The following TFCP2L1 variants were observed in gnomAD, a reference collection of about 807,000 sequenced individuals.
TFCP2L1 encodes the protein transcription factor CP2-like protein 1.
In TFCP2L1, 12 loss-of-function variants were observed where a neutral mutation model predicts 72.2. The observed-to-expected ratio is 0.17, with a 90% confidence interval of 0.11 to 0.27. TFCP2L1 has a LOEUF of 0.27. Ranked by LOEUF, TFCP2L1 falls within the 10% of genes least tolerant of loss-of-function variation. The pLI, the probability that TFCP2L1 is intolerant of heterozygous loss-of-function variation, is 1.00. For synonymous variants in TFCP2L1, 260 were observed against 251.0 expected, an observed-to-expected ratio of 1.04 and a Z score of -0.34; for missense variants, 488 against 624.6, an observed-to-expected ratio of 0.78 and a Z score of 2.33.
chr2:121,257,453 C>G (rs1180611517), intron 2 of TFCP2L1, among the ~76,000 whole-genome samples: 1 of 152,234 alleles, frequency 6.6e-6, no homozygotes, highest in Non-Finnish European at 1.5e-5. Flanking sequence ...TTACCCCAAT[C>G]TTAACAGCTG....
At chr2:121,248,827 G>C (rs2104703944) in intron 4 of TFCP2L1, among the ~76,000 whole-genome samples, 155 bp downstream of exon 4, 1 of 152,344 alleles carries the variant, frequency 6.6e-6, no homozygotes, top group East Asian at 1.9e-4. Flanking sequence ...AGGACCCAGT[G>C]TATGGTCAGC....
chr2:121,283,609 CTG>C lies in TFCP2L1; in HGVS notation c.62+1437_62+1438del, dbSNP rs961629023. Among the ~76,000 whole-genome samples, 20 of 152,242 alleles carry C rather than the reference CTG, an allele frequency of 1.3e-4. 1 individual carries two copies. Among genetic ancestry groups the C allele is most frequent in the Admixed American group, 1.0e-3 (16 of 15,290 alleles). On this transcript the variant is annotated intron_variant, in intron 1 of 14. Transcript: ENST00000263707. ...TCCATCTCGGTAGCAGATGTCAGAA[CTG>C]TACCTCCCAGGCAAGGGAGAATTGT... is the stretch of plus-strand genomic sequence containing the variant.
chr2:121,228,604 T>TA (rs11446191), intron 13 of TFCP2L1, among the ~76,000 whole-genome samples: 51,447 of 146,082 alleles, frequency 0.35, 9,398 homozygotes, highest in South Asian at 0.48. Context: ...TACAAAAAAT[T>TA]AAAAAAAAAA....
chr2:121,242,573 A>T, intron 6 of TFCP2L1, 104 bp from the exon 7 acceptor site: 1 of 1,058,168 alleles, frequency 9.5e-7, no homozygotes, highest in Non-Finnish European at 1.5e-6. Flanking sequence ...GGGCGCAGGG[A>T]GGAACTCAGG....
At chr2:121,228,442 C>T (rs911068960) in intron 13 of TFCP2L1, among the ~76,000 whole-genome samples, 9 of 142,362 alleles carry the variant, frequency 6.3e-5, no homozygotes, top group Non-Finnish European at 1.1e-4. Flanking sequence ...TTTCCTCCTC[C>T]GTAAAATAGG....
At chr2:121,245,912 T>C (rs564842560) in intron 6 of TFCP2L1, among the ~76,000 whole-genome samples, 2 of 152,268 alleles carry the variant, frequency 1.3e-5, no homozygotes, top group African/African-American at 2.4e-5. Flanking sequence ...CTAAAGCAAC[T>C]CCCTCTTGGG....
rs184661136 is a variant in TFCP2L1 at position 121,219,612 on chromosome 2, C to G, written c.*4729G>C. On this transcript the variant is annotated 3_prime_UTR_variant, in exon 15 of 15. Transcript: ENST00000263707. Reference sequence around the variant, plus strand: ...GATGGGCACACGTAAAGGTCTCCTGCCTGTTGTGCAATTTTCAAAGATTTT... The same window carrying G: ...GATGGGCACACGTAAAGGTCTCCTGGCTGTTGTGCAATTTTCAAAGATTTT... The G allele has an allele frequency of 1.3e-5, 2 of 152,326 alleles. No homozygotes were observed. Among genetic ancestry groups the G allele is most frequent in the African/African-American group, 4.8e-5 (2 of 41,582 alleles). 9.4% of individuals were successfully genotyped at this position (152,326 alleles called of 1,614,324 possible).
At position 121,247,037 on chromosome 2, in the gene TFCP2L1, C is replaced by T. The variant is rs996607920; in HGVS notation, c.505-67G>A. 33 of 1,583,418 alleles carry T rather than the reference C, an allele frequency of 2.1e-5. No homozygotes were observed. The Admixed American group carries it at 3.0e-4, about 14-fold the overall frequency. On this transcript the variant is annotated intron_variant, in intron 5 of 14. Transcript: ENST00000263707. ...GCAGGGTGCCCCTGGATCCCCCAAGCGCCCCCTCTATTGGAGGTGTCCTTC... is the reference window on the plus strand; with the variant it reads ...GCAGGGTGCCCCTGGATCCCCCAAGTGCCCCCTCTATTGGAGGTGTCCTTC...
rs775694403 is a variant in TFCP2L1, at chr2:121,224,325, T to A, written c.*16A>T. 6.2e-7 allele frequency: 1 copy of A among 1,613,774 alleles called. No homozygotes were observed. The highest frequency in any genetic ancestry group is 8.5e-7 in the Non-Finnish European group (1 of 1,179,838). On this transcript the variant is annotated 3_prime_UTR_variant, in exon 15 of 15. Coordinates refer to ENST00000263707, the MANE Select transcript of TFCP2L1 (RefSeq NM_014553.3). ...CAGGGCTGGGAGCTGGAGACAGGTA[T>A]GAGGTCCACTGCTGCTCAGAGTCCA...
In TFCP2L1 at chr2:121,248,256, C is replaced by G. The variant is rs371106335; in HGVS notation, c.412G>C (p.Val138Leu). 3.5e-5 allele frequency: 56 copies of G among 1,613,734 alleles called. No homozygotes were observed. Among genetic ancestry groups the G allele is most frequent in the Non-Finnish European group, 4.6e-5 (54 of 1,179,924 alleles). Reference sequence around the variant, plus strand: ...CTGGCCCTGGGGTCCAAGATACCAACAGACAGTGGAATATCTGCATACACA... The same window carrying G: ...CTGGCCCTGGGGTCCAAGATACCAAGAGACAGTGGAATATCTGCATACACA... ...RILDIDIPLSVGILDPRASPT... is the reference protein window; with the variant it reads ...RILDIDIPLSLGILDPRASPT... Residue 138 changes from valine (V) to leucine (L), a missense_variant, in exon 5 of 15, where the codon GTT (valine) becomes CTT (leucine). Physicochemically the swap from Val to Leu is conservative, Grantham distance 32 (BLOSUM62 1). This residue lies in a region of TFCP2L1 where 129 missense variants were observed against 236.0 expected (regional missense o/e 0.55). Transcript: ENST00000263707.
intron 10 of TFCP2L1, among the ~76,000 whole-genome samples, chr2:121,237,114 AC>A (rs1686265166): frequency 6.6e-6 from 1 of 151,660 alleles, no homozygotes; most frequent in South Asian, 2.1e-4. Flanking sequence ...TGCTCAGTTC[AC>A]CTTTGCACTC....
intron 10 of TFCP2L1, among the ~76,000 whole-genome samples, chr2:121,236,468 T>C (rs1273773920): frequency 6.6e-6 from 1 of 151,868 alleles, no homozygotes; most frequent in African/African-American, 2.4e-5. Flanking sequence ...GCCCAAGGGG[T>C]CCCCGAGAGC....
At chr2:121,254,396 G>A (rs1157021214) in intron 2 of TFCP2L1, among the ~76,000 whole-genome samples, 1 of 152,198 alleles carries the variant, frequency 6.6e-6, no homozygotes, top group Admixed American at 6.5e-5. Context: ...GGCGGGGAGT[G>A]TGAGACAGGT....
chr2:121,237,155 A>ACG (rs1553432026), intron 10 of TFCP2L1, among the ~76,000 whole-genome samples: 12 of 151,862 alleles, frequency 7.9e-5, no homozygotes, highest in Non-Finnish European at 1.0e-4. Flanking sequence ...CTTCTGTCTG[A>ACG]GGGCCCATCA....
rs575514638 is a variant in TFCP2L1 at position 121,275,398 on chromosome 2, C to CA, written c.214+5721dup. Among the ~76,000 whole-genome samples, 288 of 65,654 alleles carry CA rather than the reference C, an allele frequency of 4.4e-3. 12 individuals carry two copies. The highest frequency in any genetic ancestry group is 0.017 in the South Asian group (25 of 1,512). 43.1% of individuals were successfully genotyped at this position (65,654 alleles called of 152,430 possible). A position where few individuals can be genotyped will look rare whatever the true frequency, so the allele number is the denominator to read the frequency against. ...TGGGCGACAGCACGAGACTCCATCT[C>CA]AAAAAAAAAAAAAAAAAGAAATAAC... On this transcript the variant is annotated intron_variant, in intron 2 of 14. Coordinates refer to ENST00000263707, the MANE Select transcript of TFCP2L1 (RefSeq NM_014553.3).
chr2:121,237,144 A>T (rs1686265802), intron 10 of TFCP2L1, among the ~76,000 whole-genome samples: 1 of 102,898 alleles, frequency 9.7e-6, no homozygotes, highest in Non-Finnish European at 2.2e-5. Flanking sequence ...CTAGCTTGGG[A>T]CTTCTGTCTG....
chr2:121,250,689 C>T (rs1283926308), intron 2 of TFCP2L1, among the ~76,000 whole-genome samples: 1 of 150,882 alleles, frequency 6.6e-6, no homozygotes, highest in Non-Finnish European at 1.5e-5. Flanking sequence ...TCACTGCAAC[C>T]TCCGCCTTGT....
At chr2:121,244,467 AGTTTTGG>A (rs1193618819) in intron 6 of TFCP2L1, among the ~76,000 whole-genome samples, 2 of 152,092 alleles carry the variant, frequency 1.3e-5, no homozygotes, top group African/African-American at 4.8e-5. Context: ...CTGAGGAGCC[AGTTTTGG>A]GTGACTAGGG....
chr2:121,226,058 C>T (rs1463048226), intron 13 of TFCP2L1, among the ~76,000 whole-genome samples: 2 of 144,634 alleles, frequency 1.4e-5, no homozygotes, highest in Non-Finnish European at 3.0e-5. Context: ...ACCACTGCCA[C>T]GGTGTCTACA....
Sources: gnomAD v4.1 joint callset for allele counts (sites outside exome capture counted in the v4.1 genomes callset) on GRCh38, gnomAD v4.1.1 for gene constraint, gnomAD v4.1.1 regional missense constraint, MANE v1.5 for transcripts, NCBI Gene and HGNC (gene_info 2026-07-23, HGNC 2026-07-21) for gene names.